The following KLRF2 variants were observed in gnomAD, a reference collection of about 807,000 sequenced individuals.
KLRF2 encodes killer cell lectin-like receptor subfamily F member 2.
KLRF2 carries 28 observed loss-of-function variants against 25.3 expected under a neutral mutation model. The observed-to-expected ratio is 1.11, with a 90% CI of 0.82 to 1.52. KLRF2 has a LOEUF of 1.52. Ranked by LOEUF, KLRF2 falls within the 40% of genes most tolerant of loss-of-function variation. The pLI, the probability that KLRF2 is intolerant of heterozygous loss-of-function variation, is 0.00. For missense variants in KLRF2, 265 were observed against 245.8 expected (o/e 1.08, Z -0.52); for synonymous variants, 73 against 85.0 (o/e 0.86, Z 0.78).
At chr12:9,895,044 A>G (rs1395219319) in intron 5 of KLRF2, among the ~76,000 whole-genome samples, 1 of 152,188 alleles carries the variant, frequency 6.6e-6, no homozygotes, top group Non-Finnish European at 1.5e-5. Flanking sequence ...AGCTCTCTTC[A>G]AAGGCATTCC....
At position 9,886,481 on chromosome 12, in the gene KLRF2, T is replaced by A. The variant is rs547789053; in HGVS notation, c.169+1449T>A. On this transcript the variant is annotated intron_variant, in intron 2 of 5. Transcript: ENST00000535540. ...GGAGAACCTTAGTTCAAATAAAGCA[T>A]AAAAGACAGCTGCAGTGTAGATGAA... Among the ~76,000 whole-genome samples the A allele has an allele frequency of 5.3e-4, 81 of 152,190 alleles. 1 individual carries two copies. The highest frequency in any genetic ancestry group is 1.8e-3 in the African/African-American group (74 of 41,542).
At chr12:9,888,021 C>G (rs1205647045) in intron 2 of KLRF2, among the ~76,000 whole-genome samples, 1 of 123,292 alleles carries the variant, frequency 8.1e-6, no homozygotes, top group East Asian at 2.8e-4. Context: ...GCCCACTGCA[C>G]TTCAGCTTAG....
intron 1 of KLRF2, among the ~76,000 whole-genome samples, chr12:9,882,269 G>C (rs1215989707): frequency 1.3e-5 from 2 of 152,160 alleles, no homozygotes; most frequent in African/African-American, 4.8e-5. Context: ...CGCAGTGGCA[G>C]TTCTGCCATA....
chr12:9,894,348 A>AT (rs1233970740), intron 5 of KLRF2, among the ~76,000 whole-genome samples: 1 of 151,640 alleles, frequency 6.6e-6, no homozygotes, highest in Non-Finnish European at 1.5e-5. Flanking sequence ...CACCTGGCTA[A>AT]TTTTTTGTAT....
intron 4 of KLRF2, 66 bp downstream of exon 4, chr12:9,893,234 A>G: frequency 7.0e-7 from 1 of 1,432,760 alleles, no homozygotes; most frequent in Non-Finnish European, 9.4e-7. Context: ...TTCACTGCCT[A>G]AGAAGCTTGG....
At chr12:9,892,661 C>A (rs34966666) in intron 3 of KLRF2, among the ~76,000 whole-genome samples, 49 of 150,084 alleles carry the variant, frequency 3.3e-4, no homozygotes, top group Non-Finnish European at 6.4e-4. Context: ...CACGGCTCAC[C>A]GCAACCTCCA....
At chr12:9,892,015 A>G (rs751008934) in intron 3 of KLRF2, among the ~76,000 whole-genome samples, 16 of 152,254 alleles carry the variant, frequency 1.1e-4, no homozygotes, top group Non-Finnish European at 1.6e-4. Context: ...TCAAAGATGA[A>G]TATGACAGTC....
intron 1 of KLRF2, 109 bp downstream of exon 1, chr12:9,881,774 T>C (rs1317128149): frequency 4.9e-6 from 4 of 811,772 alleles, no homozygotes; most frequent in East Asian, 2.7e-5. Flanking sequence ...ATAAGGAATA[T>C]AAAAATGGTC....
At chr12:9,887,872 T>C (rs909194323) in intron 2 of KLRF2, among the ~76,000 whole-genome samples, 1 of 151,006 alleles carries the variant, frequency 6.6e-6, no homozygotes, top group African/African-American at 2.4e-5. Context: ...GGCAACATGG[T>C]GAAACCCCGT....
chr12:9,893,076 T>C lies in KLRF2; in HGVS notation c.274T>C (p.Phe92Leu), dbSNP rs1318228293. 2 of 1,535,746 alleles carry C rather than the reference T, an allele frequency of 1.3e-6. No homozygotes were observed. The highest frequency in any genetic ancestry group is 1.4e-5 in the African/African-American group (1 of 73,038). ...WLLNEGKCYW[F>L]STSFKTWKES... ...GTTGAACGAAGGGAAATGTTACTGGTTTTCAACTTCTTTTAAAACGTGGAA... is the reference window on the plus strand; with the variant it reads ...GTTGAACGAAGGGAAATGTTACTGGCTTTCAACTTCTTTTAAAACGTGGAA... The change falls in exon 4 of 6, where the codon TTT (phenylalanine) becomes CTT (leucine). Residue 92 changes from phenylalanine (F) to leucine (L), a missense_variant. Physicochemically the swap from Phe to Leu is conservative, Grantham distance 22 (BLOSUM62 0). Coordinates refer to ENST00000535540, the MANE Select transcript of KLRF2 (RefSeq NM_001190765.1).
At chr12:9,890,652 G>A (rs1363259118) in intron 3 of KLRF2, among the ~76,000 whole-genome samples, 4 of 152,200 alleles carry the variant, frequency 2.6e-5, no homozygotes, top group Admixed American at 2.6e-4. Context: ...ATCTGATTAA[G>A]CCAGACCTAC....
intron 5 of KLRF2, among the ~76,000 whole-genome samples, chr12:9,894,550 A>C (rs557401025): frequency 6.6e-6 from 1 of 152,316 alleles, no homozygotes; most frequent in South Asian, 2.1e-4. Flanking sequence ...TATGTGAACA[A>C]CATGAGGTGT....
intron 5 of KLRF2, among the ~76,000 whole-genome samples, chr12:9,893,762 G>T (rs1390465906): frequency 6.6e-6 from 1 of 151,428 alleles, no homozygotes; most frequent in Non-Finnish European, 1.5e-5. Flanking sequence ...TTGAAAAATG[G>T]GATGGAAAGT....
At chr12:9,885,168 T>A (rs1312458788) in intron 2 of KLRF2, 136 bp downstream of exon 2, 7 of 328,762 alleles carry the variant, frequency 2.1e-5, no homozygotes, top group East Asian at 9.2e-5. Flanking sequence ...ATATTAAATT[T>A]AAAAAATTAA....
Position 9,884,994 on chromosome 12 carries a change from T to C in KLRF2, c.131T>C (p.Leu44Pro). Residue 44 changes from leucine to proline, a missense_variant, in exon 2 of 6, where the codon CTT (leucine) becomes CCT (proline). By Grantham distance (98) the Leu-to-Pro change is moderately conservative (BLOSUM62 -3). Transcript: ENST00000535540. ...LLLIFGCIVI[L>P]IFIMTGIDLK... is the part of the protein sequence containing the mutation. Reference sequence around the variant, plus strand: ...CTCATATTTGGATGCATTGTGATCCTTATATTCATTATGACAGGGATTGAC... The same window carrying C: ...CTCATATTTGGATGCATTGTGATCCCTATATTCATTATGACAGGGATTGAC... 1 of 1,329,430 alleles carries C rather than the reference T, an allele frequency of 7.5e-7. No homozygotes were observed. The highest frequency in any genetic ancestry group is 9.7e-7 in the Non-Finnish European group (1 of 1,033,158). The allele number at this position is 1,329,430 out of a possible 1,614,324, so 82.4% of individuals were successfully genotyped here.
At chr12:9,894,669 A>G (rs542001113) in intron 5 of KLRF2, among the ~76,000 whole-genome samples, 2 of 152,236 alleles carry the variant, frequency 1.3e-5, no homozygotes, top group South Asian at 4.1e-4. Context: ...GTAAGTCTGG[A>G]GCAAAGGCCA....
chr12:9,889,106 CT>C (rs1862640997), intron 3 of KLRF2, among the ~76,000 whole-genome samples: 1 of 152,164 alleles, frequency 6.6e-6, no homozygotes, highest in Non-Finnish European at 1.5e-5. Flanking sequence ...TGGCTGCAGG[CT>C]GTAGTGCGAA....
intron 3 of KLRF2, among the ~76,000 whole-genome samples, chr12:9,889,221 G>A (rs999427234): frequency 1.5e-4 from 23 of 152,188 alleles, no homozygotes; most frequent in Middle Eastern, 6.8e-3. Flanking sequence ...TTTCAAATGA[G>A]GATATTATAA....
intron 1 of KLRF2, among the ~76,000 whole-genome samples, chr12:9,884,461 C>T (rs1868129003): frequency 6.6e-6 from 1 of 151,236 alleles, no homozygotes; most frequent in Non-Finnish European, 1.5e-5. Context: ...ATTTCTTTCC[C>T]TCTTTTATTT....
Sources: gnomAD v4.1 joint callset for allele counts (sites outside exome capture counted in the v4.1 genomes callset) on GRCh38, gnomAD v4.1.1 for gene constraint, MANE v1.5 for transcripts, NCBI Gene and HGNC (gene_info 2026-07-23, HGNC 2026-07-21) for gene names.